The following CERK variants were observed in gnomAD, a reference collection of about 807,000 sequenced individuals.
The protein encoded by CERK is acylsphingosine kinase.
CERK carries 39 observed loss-of-function variants against 63.4 expected under a neutral mutation model. The ratio of observed to expected loss-of-function variants is 0.61; its 90% CI spans 0.48 to 0.80. The LOEUF is 0.80. Ranked by LOEUF, CERK falls within the 30% of genes least tolerant of loss-of-function variation. The probability of loss-of-function intolerance (pLI) is 0.00; values close to 1 mark genes in which losing one functional copy is unlikely to be tolerated. For missense variants in CERK, 670 were observed against 714.1 expected, an observed-to-expected ratio of 0.94 and a Z score of 0.70; for synonymous variants, 302 against 280.0, an observed-to-expected ratio of 1.08 and a Z score of -0.78.
chr22:46,734,008 C>A (rs183793928), intron 1 of CERK, among the ~76,000 whole-genome samples: 3 of 151,612 alleles, frequency 2.0e-5, no homozygotes, highest in Admixed American at 1.3e-4. Context: ...TTCACTCCAG[C>A]CTGGGAAACA....
In CERK at chr22:46,691,725, G is replaced by A. The variant is rs746322259; in HGVS notation, c.1179C>T (p.Ala393=). The change falls in exon 11 of 13, where the codon GCC becomes GCT. Residue 393 remains alanine (A), a synonymous_variant. Transcript: ENST00000216264. ...VVCGKFLAIN[A]TNMSCACRRS... ...GGCGACAAGCACAGGACATGTTTGT[G>A]GCATTGATGGCCAGAAACTTCCCAC... 1.2e-6 allele frequency: 2 copies of A among 1,613,358 alleles called. No individual in the cohort carries two copies.
chr22:46,707,421 C>T (rs959562977), intron 6 of CERK, among the ~76,000 whole-genome samples: 8 of 152,212 alleles, frequency 5.3e-5, no homozygotes, highest in African/African-American at 1.2e-4. Flanking sequence ...TCCGCCCCCA[C>T]CTTTCCCACT....
chr22:46,733,586 G>A (rs965875381), intron 1 of CERK, among the ~76,000 whole-genome samples: 4 of 151,128 alleles, frequency 2.6e-5, no homozygotes, highest in Non-Finnish European at 4.4e-5. Flanking sequence ...GAGCCACCAC[G>A]CCCGGCCCTT....
chr22:46,733,754 A>T (rs191327427), intron 1 of CERK, among the ~76,000 whole-genome samples: 42 of 151,960 alleles, frequency 2.8e-4, no homozygotes, highest in African/African-American at 1.0e-3. Context: ...TCTTGTAAGA[A>T]TTTACAGCCA....
intron 1 of CERK, among the ~76,000 whole-genome samples, chr22:46,726,087 G>T (rs2082916688): frequency 6.6e-6 from 1 of 152,264 alleles, no homozygotes; most frequent in Non-Finnish European, 1.5e-5. Flanking sequence ...GTGTGTCACG[G>T]GGCACTGAGT....
intron 3 of CERK, among the ~76,000 whole-genome samples, chr22:46,715,523 G>T (rs12169478): frequency 0.038 from 5,715 of 152,172 alleles, 346 homozygotes; most frequent in African/African-American, 0.13. Flanking sequence ...GATGTTTATA[G>T]TTAATGAAAA....
intron 1 of CERK, among the ~76,000 whole-genome samples, chr22:46,730,432 A>C (rs1418758621): frequency 1.3e-5 from 2 of 152,088 alleles, no homozygotes; most frequent in Non-Finnish European, 2.9e-5. Flanking sequence ...AAAAAAAAAG[A>C]AGTTTTCAGG....
Position 46,738,007 on chromosome 22 carries a change from C to T in CERK, c.142G>A (p.Asp48Asn), listed in dbSNP as rs1356970523. The part of the protein sequence containing the change: ...PGPGAGAPGA[D>N]ACSVPVSEII... ...GAACCCGGGCGGCGGCGACACTCAC[C>T]CGCGCCGGGGGCGCCGGCTCCGGGC... Residue 48 changes from aspartate to asparagine, a missense_variant and splice_region_variant, in exon 1 of 13, where the codon GAT becomes AAT. Transcript: ENST00000216264. The T allele has an allele frequency of 4.2e-6, 5 of 1,180,138 alleles. No homozygotes were observed. The highest frequency in any genetic ancestry group is 5.2e-6 in the Non-Finnish European group (5 of 957,576). 73.1% of individuals were successfully genotyped at this position (1,180,138 alleles called of 1,614,324 possible). A position where few individuals can be genotyped will look rare whatever the true frequency, so the allele number is the denominator to read the frequency against.
At position 46,706,682 on chromosome 22, in the gene CERK, C is replaced by T. The variant is rs1002179339; in HGVS notation, c.715+1161G>A. ...CCAAAGGGAAGGGATCGTAACCAGA[C>T]GATCATCCTTTCCTATATACTTAAA... is the stretch of plus-strand genomic sequence containing the variant. On this transcript the variant is annotated intron_variant, in intron 6 of 12. Coordinates refer to ENST00000216264, the MANE Select transcript of CERK (RefSeq NM_022766.6). Among the ~76,000 whole-genome samples, 11 of 152,262 alleles carry T rather than the reference C, an allele frequency of 7.2e-5. No individual in the cohort carries two copies. The South Asian group carries it at 1.0e-3, about 14-fold the overall frequency.
intron 7 of CERK, among the ~76,000 whole-genome samples, chr22:46,699,844 G>C (rs135683): frequency 0.87 from 132,443 of 152,306 alleles, 57,960 homozygotes; most frequent in African/African-American, 0.96. Flanking sequence ...ATCCCAGCAC[G>C]TGGGGAGGCC....
chr22:46,737,141 A>T (rs534448885), intron 1 of CERK, among the ~76,000 whole-genome samples: 1 of 152,042 alleles, frequency 6.6e-6, no homozygotes, highest in African/African-American at 2.4e-5. Context: ...TAAAATACAA[A>T]AATTAGCCGG....
rs1168892752 is a variant in CERK, at chr22:46,684,873, C to T, written c.*2261G>A. 1 of 152,088 alleles carries T rather than the reference C, an allele frequency of 6.6e-6. No homozygotes were observed. Among genetic ancestry groups the T allele is most frequent in the East Asian group, 1.9e-4 (1 of 5,204 alleles). 9.4% of individuals were successfully genotyped at this position (152,088 alleles called of 1,614,324 possible). A position where few individuals can be genotyped will look rare whatever the true frequency, so the allele number is the denominator to read the frequency against. Reference sequence around the variant, plus strand: ...GCTGGCAGGTGTCAGACACACGGTACCGCAACAGCAGTCCCGAGGTCTGAG... The same window carrying T: ...GCTGGCAGGTGTCAGACACACGGTATCGCAACAGCAGTCCCGAGGTCTGAG... On this transcript the variant is annotated 3_prime_UTR_variant, in exon 13 of 13. Transcript: ENST00000216264.
In CERK at chr22:46,707,832, C is replaced by T. The variant is rs200320283; in HGVS notation, c.715+11G>A. 5.5e-4 allele frequency: 873 copies of T among 1,598,192 alleles called. 2 individuals are homozygous for T. The highest frequency in any genetic ancestry group is 8.3e-4 in the Middle Eastern group (5 of 5,990). On this transcript the variant is annotated intron_variant, in intron 6 of 12. Transcript: ENST00000216264. ...ACGAAGAGAACAGAGAATGCCAGGCCGGCTCCATACCTGCGGGAATGATTC... is the reference window on the plus strand; with the variant it reads ...ACGAAGAGAACAGAGAATGCCAGGCTGGCTCCATACCTGCGGGAATGATTC...
chr22:46,699,304 C>T lies in CERK; in HGVS notation c.943+9G>A. ...CAGCGGGGAGCGAGTCTGCATTATT[C>T]TGAGTTACCTGAAAAGTCGTATCTG... is the stretch of plus-strand genomic sequence containing the variant. On this transcript the variant is annotated intron_variant, in intron 8 of 12. Coordinates refer to ENST00000216264, the MANE Select transcript of CERK (RefSeq NM_022766.6). The T allele has an allele frequency of 6.2e-7, 1 of 1,614,028 alleles. No individual in the cohort carries two copies. Among genetic ancestry groups the T allele is most frequent in the Non-Finnish European group, 8.5e-7 (1 of 1,179,894 alleles).
At chr22:46,727,112 G>A (rs1269778295) in intron 1 of CERK, among the ~76,000 whole-genome samples, 2 of 152,306 alleles carry the variant, frequency 1.3e-5, no homozygotes, top group African/African-American at 4.8e-5. Flanking sequence ...CAGTGAGGCT[G>A]AGCCGTGGTT....
intron 6 of CERK, among the ~76,000 whole-genome samples, chr22:46,704,285 G>A (rs991126296): frequency 1.3e-5 from 2 of 152,204 alleles, no homozygotes; most frequent in Non-Finnish European, 2.9e-5. Flanking sequence ...TCCTGAGGTC[G>A]TTGTGGATTT....
At chr22:46,691,814 A>G in intron 10 of CERK, 37 bp from the exon 11 acceptor site, 1 of 1,576,298 alleles carries the variant, frequency 6.3e-7, no homozygotes, top group Non-Finnish European at 8.7e-7. Flanking sequence ...TCACAGTTAC[A>G]ATGGCGCCGG....
At chr22:46,736,838 C>T (rs994240843) in intron 1 of CERK, among the ~76,000 whole-genome samples, 1 of 152,156 alleles carries the variant, frequency 6.6e-6, no homozygotes, top group Non-Finnish European at 1.5e-5. Flanking sequence ...CACCAGAAAG[C>T]GCCCAGAAGA....
In CERK at chr22:46,699,465, C is replaced by G; in HGVS notation, c.791G>C (p.Gly264Ala). 1 of 1,614,050 alleles carries G rather than the reference C, an allele frequency of 6.2e-7. No individual in the cohort carries two copies. The highest frequency in any genetic ancestry group is 1.1e-5 in the South Asian group (1 of 91,078). Reference sequence around the variant, plus strand: ...GGACACATCCATGGCCAGCGAGTCCCCTGTGGGAGAGAACGGCCGTGAGGG... The same window carrying G: ...GGACACATCCATGGCCAGCGAGTCCGCTGTGGGAGAGAACGGCCGTGAGGG... Reference protein sequence around the residue: ...AETSALHIVVGDSLAMDVSSV... With the variant: ...AETSALHIVVADSLAMDVSSV... Residue 264 changes from glycine (G) to alanine (A), a missense_variant and splice_region_variant, in exon 8 of 13, where the codon GGG becomes GCG. Transcript: ENST00000216264.
Sources: gnomAD v4.1 joint callset for allele counts (sites outside exome capture counted in the v4.1 genomes callset) on GRCh38, gnomAD v4.1.1 for gene constraint, MANE v1.5 for transcripts, NCBI Gene and HGNC (gene_info 2026-07-23, HGNC 2026-07-21) for gene names.